TMEM51: variants seen among roughly 807,000 people sequenced by gnomAD.
TMEM51 encodes the protein chromosome 1 open reading frame 72.
In TMEM51, 8 loss-of-function variants were observed where a neutral mutation model predicts 13.6. The observed-to-expected ratio is 0.59, with a 90% CI of 0.35 to 1.07. TMEM51 has a LOEUF of 1.07. Among genes scored for constraint, TMEM51 ranks in the 50% least tolerant of loss-of-function variants. TMEM51 has a pLI of 0.02. For missense variants in TMEM51, 279 were observed against 330.7 expected (o/e 0.84, Z 1.21); for synonymous variants, 147 against 144.4 (o/e 1.02, Z -0.13).
chr1:15,181,522 G>T (rs1282781699), intron 1 of TMEM51, among the ~76,000 whole-genome samples: 2 of 152,166 alleles, frequency 1.3e-5, no homozygotes. Flanking sequence ...CTCGTTCCCA[G>T]GCTTCGGTTC....
chr1:15,219,881 G>T lies in TMEM51; in HGVS notation c.*138G>T, dbSNP rs372251341. The T allele has an allele frequency of 1.5e-4, 148 of 963,834 alleles. 1 individual carries two copies. The African/African-American group carries it at 2.2e-3, about 15-fold the overall frequency. The allele number at this position is 963,834 out of a possible 1,614,324, so 59.7% of individuals were successfully genotyped here. A position where few individuals can be genotyped will look rare whatever the true frequency, so the allele number is the denominator to read the frequency against. On this transcript the variant is annotated 3_prime_UTR_variant, in exon 4 of 4. Coordinates refer to ENST00000376008, the MANE Select transcript of TMEM51 (RefSeq NM_001136218.2). Reference sequence around the variant, plus strand: ...GCCATTTGGATGGCGGCGGGCGGGGGGGGATTCTCTGTATCAGGAGTGACT... The same window carrying T: ...GCCATTTGGATGGCGGCGGGCGGGGTGGGATTCTCTGTATCAGGAGTGACT...
At chr1:15,196,396 G>GTGTGTGTGTGTGTGTGTGCA (rs2100294242) in intron 1 of TMEM51, among the ~76,000 whole-genome samples, 1 of 2,942 alleles carries the variant, frequency 3.4e-4, no homozygotes, top group East Asian at 0.031. Flanking sequence ...GTGTGTGCAT[G>GTGTGTGTGTGTGTGTGTGCA]TGTGTGTGTG....
At chr1:15,190,702 G>A (rs1207852886) in intron 1 of TMEM51, among the ~76,000 whole-genome samples, 1 of 152,182 alleles carries the variant, frequency 6.6e-6, no homozygotes, top group Non-Finnish European at 1.5e-5. Flanking sequence ...CTTGAGACAG[G>A]AACATGATCC....
chr1:15,163,273 C>G (rs1642855304), intron 1 of TMEM51, among the ~76,000 whole-genome samples: 1 of 152,072 alleles, frequency 6.6e-6, no homozygotes, highest in African/African-American at 2.4e-5. Context: ...GTCAAATGCA[C>G]TGATCTGAAA....
At chr1:15,162,816 T>C (rs1481907186) in intron 1 of TMEM51, among the ~76,000 whole-genome samples, 1 of 151,918 alleles carries the variant, frequency 6.6e-6, no homozygotes, top group Non-Finnish European at 1.5e-5. Flanking sequence ...CTAGACATCA[T>C]AGAAATGGAA....
intron 1 of TMEM51, among the ~76,000 whole-genome samples, chr1:15,172,361 G>A (rs1473640508): frequency 6.8e-6 from 1 of 146,274 alleles, no homozygotes; most frequent in Non-Finnish European, 1.5e-5. Flanking sequence ...CCCAGCCTGG[G>A]CAACAGAGTG....
chr1:15,162,618 A>G (rs899620081), intron 1 of TMEM51, among the ~76,000 whole-genome samples: 3 of 152,116 alleles, frequency 2.0e-5, no homozygotes, highest in Non-Finnish European at 2.9e-5. Context: ...CAACCCAAGT[A>G]TCCATCAAAG....
At chr1:15,171,422 G>T in intron 1 of TMEM51, 1 of 1,013,874 alleles carries the variant, frequency 9.9e-7, no homozygotes, top group South Asian at 1.6e-5. Flanking sequence ...ATCGCCACCT[G>T]GCCCTGGGTA....
intron 1 of TMEM51, among the ~76,000 whole-genome samples, chr1:15,202,318 A>T (rs1232180727): frequency 6.6e-6 from 1 of 152,236 alleles, no homozygotes; most frequent in Admixed American, 6.5e-5. Flanking sequence ...CTGTGCTGGC[A>T]GGCACCATAC....
intron 1 of TMEM51, among the ~76,000 whole-genome samples, chr1:15,156,305 G>T (rs1369926525): frequency 6.6e-6 from 1 of 152,178 alleles, no homozygotes; most frequent in African/African-American, 2.4e-5. Context: ...AGCTTCTGGG[G>T]CTCCCGTTTT....
Position 15,164,764 on chromosome 1 carries a change from T to C in TMEM51, c.-267+10810T>C, listed in dbSNP as rs999879242. On this transcript the variant is annotated intron_variant, in intron 1 of 3. Transcript: ENST00000376008. ...GCAACACAGAACAGACAAAGAGTTGTGTTCTGAATCCATGCGGGAGCTTTG... is the reference window on the plus strand; with the variant it reads ...GCAACACAGAACAGACAAAGAGTTGCGTTCTGAATCCATGCGGGAGCTTTG... Among the ~76,000 whole-genome samples, 21 of 151,694 alleles carry C rather than the reference T, an allele frequency of 1.4e-4. 1 individual carries two copies. The highest frequency in any genetic ancestry group is 4.6e-4 in the African/African-American group (19 of 41,280).
chr1:15,163,210 G>A (rs1411270069), intron 1 of TMEM51, among the ~76,000 whole-genome samples: 1 of 151,962 alleles, frequency 6.6e-6, no homozygotes, highest in Non-Finnish European at 1.5e-5. Flanking sequence ...TAGGCAGCAG[G>A]GAGGAGTCAG....
intron 2 of TMEM51, among the ~76,000 whole-genome samples, chr1:15,213,767 C>A (rs1191996265): frequency 6.6e-6 from 1 of 152,098 alleles, no homozygotes; most frequent in African/African-American, 2.4e-5. Context: ...AGGGAGAACT[C>A]GATGTGGTTT....
At chr1:15,193,575 C>CTTTCTTTTTTTTTT (rs1249772503) in intron 1 of TMEM51, among the ~76,000 whole-genome samples, 2 of 114,656 alleles carry the variant, frequency 1.7e-5, no homozygotes, top group African/African-American at 7.1e-5. Context: ...TTCTTTCTTT[C>CTTTCTTTTTTTTTT]TTTTTTTTTT....
At chr1:15,171,545 GA>G (rs1643274765) in intron 1 of TMEM51, among the ~76,000 whole-genome samples, 1 of 152,182 alleles carries the variant, frequency 6.6e-6, no homozygotes, top group African/African-American at 2.4e-5. Flanking sequence ...GCAGTCAGGA[GA>G]AAGAGCTGGA....
At chr1:15,183,701 C>T (rs2100242435) in intron 1 of TMEM51, among the ~76,000 whole-genome samples, 1 of 152,228 alleles carries the variant, frequency 6.6e-6, no homozygotes, top group South Asian at 2.1e-4. Flanking sequence ...GGGATGTGGG[C>T]TATGGACATA....
At chr1:15,209,884 A>T (rs1644311484) in intron 1 of TMEM51, among the ~76,000 whole-genome samples, 1 of 152,142 alleles carries the variant, frequency 6.6e-6, no homozygotes, top group South Asian at 2.1e-4. Context: ...TACAAAAATT[A>T]GCCAGGTGTG....
chr1:15,158,587 C>T (rs989199241), intron 1 of TMEM51, among the ~76,000 whole-genome samples: 22 of 152,186 alleles, frequency 1.4e-4, no homozygotes, highest in Admixed American at 8.5e-4. Flanking sequence ...TGCTCATCTC[C>T]AAACCCTGGC....
intron 1 of TMEM51, among the ~76,000 whole-genome samples, chr1:15,198,217 C>T (rs183100380): frequency 6.6e-6 from 1 of 152,142 alleles, no homozygotes; most frequent in African/African-American, 2.4e-5. Context: ...ACATGTTTCC[C>T]TTCCTGAATG....
Sources: allele counts gnomAD v4.1 joint callset (sites outside exome capture counted in the v4.1 genomes callset), GRCh38; gene constraint gnomAD v4.1.1; transcripts MANE v1.5; gene names NCBI Gene and HGNC (gene_info 2026-07-23, HGNC 2026-07-21).